The following DGKI variants were observed in gnomAD, a reference collection of about 807,000 sequenced individuals.
The protein encoded by DGKI is DAG kinase iota.
A neutral mutation model predicts 147.5 loss-of-function variants in DGKI; 55 were observed. That is an observed-to-expected ratio of 0.37 (90% CI 0.30 to 0.47). The LOEUF is 0.47. Ranked by LOEUF, DGKI falls within the 20% of genes least tolerant of loss-of-function variation. DGKI has a pLI of 1.00. For synonymous variants in DGKI, 469 were observed against 477.1 expected, an observed-to-expected ratio of 0.98 and a Z score of 0.22; for missense variants, 1,007 against 1,323.8, an observed-to-expected ratio of 0.76 and a Z score of 3.71.
At chr7:137,437,503 G>T (rs897510584) in intron 28 of DGKI, among the ~76,000 whole-genome samples, 2 of 152,054 alleles carry the variant, frequency 1.3e-5, no homozygotes, top group Non-Finnish European at 2.9e-5. Flanking sequence ...ATTTGAAAAA[G>T]CCAATTAAAT....
intron 28 of DGKI, among the ~76,000 whole-genome samples, chr7:137,412,730 G>A (rs1168797598): frequency 6.6e-6 from 1 of 152,106 alleles, no homozygotes; most frequent in African/African-American, 2.4e-5. Context: ...TGTGTTTTGT[G>A]ATGATAGATA....
chr7:137,501,987 G>A (rs149118363), intron 21 of DGKI, among the ~76,000 whole-genome samples: 35 of 152,254 alleles, frequency 2.3e-4, no homozygotes, highest in Non-Finnish European at 2.6e-4. Flanking sequence ...TTTAAAAATG[G>A]GAGTTTGCCT....
At position 137,678,550 on chromosome 7, in the gene DGKI, C is replaced by T; in HGVS notation, c.606+7G>A. ...CCTTCCCCCAGCAAGACGGAGCGCA[C>T]ACTCACTGCAAATCTGACTTGGCAG... is the stretch of plus-strand genomic sequence containing the variant. On this transcript the variant is annotated splice_region_variant and intron_variant, in intron 3 of 32. Transcript: ENST00000614521. 1 of 1,613,910 alleles carries T rather than the reference C, an allele frequency of 6.2e-7. No homozygotes were observed. The highest frequency in any genetic ancestry group is 1.3e-5 in the African/African-American group (1 of 75,040).
intron 1 of DGKI, among the ~76,000 whole-genome samples, chr7:137,766,293 C>A (rs1796011550): frequency 6.6e-6 from 1 of 152,210 alleles, no homozygotes; most frequent in African/African-American, 2.4e-5. Context: ...TCTAATCGGA[C>A]TTCCATCAAA....
chr7:137,442,543 G>C (rs1813551377), intron 28 of DGKI, among the ~76,000 whole-genome samples: 1 of 152,132 alleles, frequency 6.6e-6, no homozygotes, highest in Non-Finnish European at 1.5e-5. Flanking sequence ...AAGCCCAAGG[G>C]CCTATATAAA....
At chr7:137,722,133 C>T (rs1412030617) in intron 1 of DGKI, 5 of 1,598,932 alleles carry the variant, frequency 3.1e-6, no homozygotes, top group Non-Finnish European at 4.2e-6. Context: ...GCAACCCTGT[C>T]ATTGTCAGAG....
At chr7:137,478,088 C>A (rs1373603122) in intron 23 of DGKI, among the ~76,000 whole-genome samples, 2 of 152,172 alleles carry the variant, frequency 1.3e-5, no homozygotes, top group East Asian at 3.9e-4. Context: ...GAGTTAAAAA[C>A]CAAACAGAAG....
At chr7:137,772,520 C>T (rs1248269052) in intron 1 of DGKI, among the ~76,000 whole-genome samples, 3 of 152,120 alleles carry the variant, frequency 2.0e-5, no homozygotes, top group Admixed American at 6.5e-5. Context: ...AAAAAGAAAG[C>T]TTGCAGAATG....
chr7:137,684,845 G>C (rs983801884), intron 2 of DGKI, among the ~76,000 whole-genome samples: 1 of 152,110 alleles, frequency 6.6e-6, no homozygotes. Flanking sequence ...TGATGAAGAG[G>C]GGGGCCTGAC....
intron 28 of DGKI, among the ~76,000 whole-genome samples, chr7:137,430,908 G>A (rs1320407231): frequency 6.6e-6 from 1 of 152,050 alleles, no homozygotes; most frequent in Non-Finnish European, 1.5e-5. Flanking sequence ...AGAGGGGAGT[G>A]TGAGGCCAAA....
intron 1 of DGKI, among the ~76,000 whole-genome samples, chr7:137,796,281 T>C (rs558220801): frequency 1.3e-5 from 2 of 152,290 alleles, no homozygotes; most frequent in South Asian, 4.1e-4. Context: ...GTGGGTCACC[T>C]GAGGTCAAGA....
chr7:137,786,677 G>GAAAA (rs57873912), intron 1 of DGKI, among the ~76,000 whole-genome samples: 2 of 140,814 alleles, frequency 1.4e-5, no homozygotes, highest in Admixed American at 6.9e-5. Context: ...ACTAAGCAAA[G>GAAAA]AAAAAAAAAA....
chr7:137,826,443 C>A (rs888731486), intron 1 of DGKI, among the ~76,000 whole-genome samples: 4 of 152,114 alleles, frequency 2.6e-5, no homozygotes, highest in African/African-American at 9.7e-5. Context: ...GTGTGGTTTG[C>A]AGCTAAAGGC....
At position 137,383,465 on chromosome 7, in the gene DGKI, A is replaced by G. The variant is rs974146398; in HGVS notation, c.*7755T>C. The G allele has an allele frequency of 6.6e-6, 1 of 151,658 alleles. No homozygotes were observed. 9.4% of individuals were successfully genotyped at this position (151,658 alleles called of 1,614,324 possible). ...TATCTAGTTGGCAGGAACCTGGGGG[A>G]AAAAAATAGGCTCAAATTGAGTTCT... On this transcript the variant is annotated 3_prime_UTR_variant, in exon 33 of 33. Coordinates refer to ENST00000614521, the MANE Select transcript of DGKI (RefSeq NM_001321708.2).
chr7:137,399,517 G>A (rs926550556), intron 30 of DGKI, among the ~76,000 whole-genome samples: 9 of 152,154 alleles, frequency 5.9e-5, no homozygotes, highest in Admixed American at 5.9e-4. Flanking sequence ...GCTCTATATA[G>A]ACTAGGTCTT....
At position 137,597,192 on chromosome 7, in the gene DGKI, C is replaced by T. The variant is rs575932543; in HGVS notation, c.1311+655G>A. On this transcript the variant is annotated intron_variant, in intron 12 of 32. Transcript: ENST00000614521. ...GTTCAATGGCAGAGTAGGGTGAGTA[C>T]AGTTAGCAACAATGTATTATATATT... Among the ~76,000 whole-genome samples, 2 of 152,070 alleles carry T rather than the reference C, an allele frequency of 1.3e-5. 1 individual carries two copies. Among genetic ancestry groups the T allele is most frequent in the East Asian group, 3.9e-4 (2 of 5,174 alleles).
intron 2 of DGKI, among the ~76,000 whole-genome samples, chr7:137,681,366 TA>T (rs1181135988): frequency 6.6e-6 from 1 of 152,240 alleles, no homozygotes; most frequent in African/African-American, 2.4e-5. Flanking sequence ...GTTCAGACCC[TA>T]AAAGTTTTCA....
chr7:137,612,433 T>C (rs1310521542), intron 8 of DGKI, among the ~76,000 whole-genome samples: 1 of 152,028 alleles, frequency 6.6e-6, no homozygotes, highest in African/African-American at 2.4e-5. Flanking sequence ...AAAAGATAAA[T>C]AGTAGGAATT....
In DGKI at chr7:137,645,539, T is replaced by G; in HGVS notation, c.739-2A>C. On this transcript the variant is annotated splice_acceptor_variant, in intron 5 of 32. Transcript: ENST00000614521. LOFTEE classifies it high-confidence loss of function. ...CACCCAGTGATGACGTACAAAATTC[T>G]GTGGGAAAACAAAATTAAATGAATA... The G allele has an allele frequency of 6.2e-7, 1 of 1,612,382 alleles. No homozygotes were observed. The highest frequency in any genetic ancestry group is 8.5e-7 in the Non-Finnish European group (1 of 1,179,192).
Sources: gnomAD v4.1 joint callset for allele counts (sites outside exome capture counted in the v4.1 genomes callset) on GRCh38, gnomAD v4.1.1 for gene constraint, MANE v1.5 for transcripts, NCBI Gene and HGNC (gene_info 2026-07-23, HGNC 2026-07-21) for gene names.